The following CC2D2B variants were observed in gnomAD, a reference collection of about 807,000 sequenced individuals.
The protein encoded by CC2D2B is coiled-coil and C2 domain containing 2B, also known as protein CC2D2B.
In CC2D2B, 128 loss-of-function variants were observed where a neutral mutation model predicts 161.2. The observed-to-expected ratio is 0.79, with a 90% CI of 0.69 to 0.92. The LOEUF is 0.92. Among genes scored for constraint, CC2D2B ranks in the 40% least tolerant of loss-of-function variants. The pLI, the probability that CC2D2B is intolerant of heterozygous loss-of-function variation, is 0.00. For synonymous variants in CC2D2B, 391 were observed against 449.8 expected (o/e 0.87, Z 1.65); for missense variants, 1,173 against 1,375.1 (o/e 0.85, Z 2.32).
intron 12 of CC2D2B, among the ~76,000 whole-genome samples, chr10:95,962,217 A>G (rs2076784647): frequency 6.6e-6 from 1 of 152,224 alleles, no homozygotes; most frequent in African/African-American, 2.4e-5. Context: ...TTGAACAGAC[A>G]CTTCACTCAA....
chr10:95,992,864 C>T, intron 22 of CC2D2B, 167 bp downstream of exon 22: 2 of 425,170 alleles, frequency 4.7e-6, no homozygotes, highest in Non-Finnish European at 7.9e-6. Context: ...ACTGTCAATG[C>T]CATGTATTAA....
intron 20 of CC2D2B, 39 bp from the exon 21 acceptor site, chr10:95,991,331 A>G: frequency 1.5e-6 from 1 of 670,120 alleles, no homozygotes; most frequent in Non-Finnish European, 2.1e-6. Context: ...CTTAAAATAT[A>G]AACAATACAT....
intron 24 of CC2D2B, among the ~76,000 whole-genome samples, chr10:96,003,811 C>G (rs925211768): frequency 2.0e-5 from 3 of 152,130 alleles, no homozygotes; most frequent in Admixed American, 1.3e-4. Context: ...AGCATTTTAT[C>G]TCTATGTGTC....
At chr10:95,996,443 T>C (rs1007480925) in intron 24 of CC2D2B, among the ~76,000 whole-genome samples, 191 bp downstream of exon 24, 1 of 152,196 alleles carries the variant, frequency 6.6e-6, no homozygotes, top group East Asian at 1.9e-4. Flanking sequence ...TATGTATATA[T>C]AAACATAAGT....
At chr10:95,907,938 G>A (rs1035259756), upstream of CC2D2B, 1 of 152,414 alleles carries the variant, frequency 6.6e-6, no homozygotes, top group African/African-American at 2.4e-5. Flanking sequence ...CTTGCAGCCC[G>A]CGGGCGCCGT....
chr10:95,929,231 C>T (rs931924196), intron 6 of CC2D2B, among the ~76,000 whole-genome samples: 1 of 152,078 alleles, frequency 6.6e-6, no homozygotes, highest in Non-Finnish European at 1.5e-5. Flanking sequence ...ATCCTTCGCT[C>T]ACTTTTTGAT....
intron 11 of CC2D2B, among the ~76,000 whole-genome samples, chr10:95,957,553 A>ATTTTTTTTTTTTTTTTTTTTTTTTT (rs869263327): frequency 1.2e-5 from 1 of 83,736 alleles, no homozygotes; most frequent in African/African-American, 4.9e-5. Flanking sequence ...GCTGACAATG[A>ATTTTTTTTTTTTTTTTTTTTTTTTT]TTTTTTTTTT....
chr10:95,933,039 T>C (rs866495731), intron 6 of CC2D2B, among the ~76,000 whole-genome samples: 3 of 152,276 alleles, frequency 2.0e-5, no homozygotes, highest in African/African-American at 7.2e-5. Flanking sequence ...GGTTTGGTCT[T>C]TTCACATAGT....
Position 95,961,910 on chromosome 10 carries a change from T to C in CC2D2B, c.1191T>C (p.Ile397=). 8.1e-7 allele frequency: 1 copy of C among 1,231,496 alleles called. No homozygotes were observed. The highest frequency in any genetic ancestry group is 1.0e-6 in the Non-Finnish European group (1 of 987,508). The allele number at this position is 1,231,496 out of a possible 1,614,324, so 76.3% of individuals were successfully genotyped here. A position where few individuals can be genotyped will look rare whatever the true frequency, so the allele number is the denominator to read the frequency against. ...LHSILRTWKQ[I]KSLRHGQGFT... is the part of the protein sequence containing the mutation. ...GTATATTACGAACTTGGAAACAGAT[T>C]AAATCTCTTCGACATGGGCAAGGGT... The change falls in exon 12 of 35, where the codon ATT becomes ATC. Residue 397 remains isoleucine, a synonymous_variant. Transcript: ENST00000646931.
intron 12 of CC2D2B, among the ~76,000 whole-genome samples, chr10:95,962,767 T>G (rs575513854): frequency 1.1e-3 from 162 of 151,422 alleles, no homozygotes; most frequent in Admixed American, 2.3e-3. Flanking sequence ...GCAGTAGTTT[T>G]TTTTTTTTTT....
At chr10:95,915,298 A>T (rs2098514167) in intron 2 of CC2D2B, among the ~76,000 whole-genome samples, 1 of 151,630 alleles carries the variant, frequency 6.6e-6, no homozygotes, top group South Asian at 2.1e-4. Context: ...ATCATTTCTA[A>T]TTTTTTTTTG....
intron 12 of CC2D2B, among the ~76,000 whole-genome samples, chr10:95,962,763 G>T (rs1440385288): frequency 1.5e-5 from 2 of 130,788 alleles, no homozygotes; most frequent in African/African-American, 2.8e-5. Flanking sequence ...TGCTGCAGTA[G>T]TTTTTTTTTT....
intron 23 of CC2D2B, 114 bp downstream of exon 23, chr10:95,995,479 C>A (rs977009474): frequency 5.3e-6 from 3 of 563,848 alleles, no homozygotes; most frequent in Non-Finnish European, 8.8e-6. Flanking sequence ...GTTTATTTTC[C>A]ATGACACAGT....
In CC2D2B at chr10:95,988,343, G is replaced by A; in HGVS notation, c.2379+1G>A. On this transcript the variant is annotated splice_donor_variant, in intron 20 of 34. Transcript: ENST00000646931. LOFTEE classifies it high-confidence loss of function. The stretch of plus-strand genomic sequence containing the variant: ...TAATTCTGCCAATTTTCTGAAAAAG[G>A]TAACAACACAGTATTATCAATATAT... 1 of 1,200,546 alleles carries A rather than the reference G, an allele frequency of 8.3e-7. No individual in the cohort carries two copies. Among genetic ancestry groups the A allele is most frequent in the Non-Finnish European group, 1.0e-6 (1 of 958,438 alleles). The allele number at this position is 1,200,546 out of a possible 1,614,324, so 74.4% of individuals were successfully genotyped here.
chr10:95,993,806 A>G (rs530971213), intron 22 of CC2D2B, among the ~76,000 whole-genome samples: 1 of 136,302 alleles, frequency 7.3e-6, no homozygotes, highest in African/African-American at 2.7e-5. Flanking sequence ...GAGAGAGAGA[A>G]TATATATAGA....
chr10:96,026,640 A>T (rs1428407001), intron 33 of CC2D2B, among the ~76,000 whole-genome samples: 1 of 152,068 alleles, frequency 6.6e-6, no homozygotes, highest in Non-Finnish European at 1.5e-5. Context: ...CTGCCTACAT[A>T]CGGGTAACTG....
chr10:96,012,016 C>T (rs2079014223), intron 26 of CC2D2B, among the ~76,000 whole-genome samples, 169 bp from the exon 27 acceptor site: 1 of 152,086 alleles, frequency 6.6e-6, no homozygotes, highest in East Asian at 1.9e-4. Flanking sequence ...TGCCTATGAA[C>T]ACATCACCAC....
intron 19 of CC2D2B, among the ~76,000 whole-genome samples, chr10:95,986,707 A>G (rs7070080): frequency 0.6 from 91,183 of 151,780 alleles, 27,518 homozygotes; most frequent in East Asian, 0.82. Flanking sequence ...AGTGATTCTC[A>G]TTCCTCAGCC....
intron 34 of CC2D2B, 63 bp from the exon 35 acceptor site, chr10:96,031,757 T>C: frequency 1.5e-6 from 2 of 1,361,306 alleles, no homozygotes; most frequent in South Asian, 2.6e-5. Context: ...TCTTTTTGCA[T>C]ACAGTAATTC....
Sources: allele counts gnomAD v4.1 joint callset (sites outside exome capture counted in the v4.1 genomes callset), GRCh38; gene constraint gnomAD v4.1.1; transcripts MANE v1.5; gene names NCBI Gene and HGNC (gene_info 2026-07-23, HGNC 2026-07-21).